Variants in MGRN1 observed in about 807,000 individuals in gnomAD.
MGRN1 encodes E3 ubiquitin-protein ligase MGRN1.
A neutral mutation model predicts 69.2 loss-of-function variants in MGRN1; 29 were observed. That is an observed-to-expected ratio of 0.42 (90% CI 0.31 to 0.57). MGRN1 has a LOEUF of 0.57. Ranked by LOEUF, MGRN1 falls within the 20% of genes least tolerant of loss-of-function variation. The probability of loss-of-function intolerance (pLI) is 0.15; values close to 1 mark genes in which losing one functional copy is unlikely to be tolerated. For missense variants in MGRN1, 998 were observed against 796.2 expected, an observed-to-expected ratio of 1.25 and a Z score of -3.05; for synonymous variants, 470 against 344.2, an observed-to-expected ratio of 1.37 and a Z score of -4.04.
intron 1 of MGRN1, among the ~76,000 whole-genome samples, chr16:4,636,131 G>A (rs1354830475): frequency 6.6e-6 from 1 of 152,092 alleles, no homozygotes; most frequent in African/African-American, 2.4e-5. Flanking sequence ...GAAATGTACA[G>A]CTCATTAATG....
At chr16:4,656,938 C>A (rs186195321) in intron 4 of MGRN1, among the ~76,000 whole-genome samples, 1 of 151,886 alleles carries the variant, frequency 6.6e-6, no homozygotes, top group South Asian at 2.1e-4. Flanking sequence ...AACAAACCAA[C>A]TTAGCACCGA....
At chr16:4,662,114 C>T (rs1393398000) in intron 5 of MGRN1, among the ~76,000 whole-genome samples, 1 of 152,188 alleles carries the variant, frequency 6.6e-6, no homozygotes, top group Non-Finnish European at 1.5e-5. Flanking sequence ...CTCCTGACTG[C>T]TGTCTGTGGT....
At chr16:4,686,245 C>G (rs1176451335) in intron 16 of MGRN1, 1 of 1,542,358 alleles carries the variant, frequency 6.5e-7, no homozygotes, top group Non-Finnish European at 8.7e-7. Flanking sequence ...CTGTCTCTCC[C>G]CCTCTCCGCG....
chr16:4,661,708 C>A (rs781210485), intron 5 of MGRN1, among the ~76,000 whole-genome samples: 2 of 152,234 alleles, frequency 1.3e-5, no homozygotes, highest in African/African-American at 4.8e-5. Context: ...ATCAGTGTCT[C>A]TGTCCACCTC....
chr16:4,638,165 A>C (rs552970151), intron 1 of MGRN1, among the ~76,000 whole-genome samples: 2 of 152,046 alleles, frequency 1.3e-5, no homozygotes, highest in African/African-American at 4.8e-5. Context: ...CTCTCATCTC[A>C]AGTTTGCAGT....
chr16:4,667,344 C>T (rs958009411), intron 7 of MGRN1, among the ~76,000 whole-genome samples: 1 of 152,238 alleles, frequency 6.6e-6, no homozygotes, highest in Admixed American at 6.5e-5. Flanking sequence ...GGTCTGTTCT[C>T]TCCCGGGTCC....
chr16:4,686,343 G>A (rs988598314), intron 16 of MGRN1: 30 of 1,539,602 alleles, frequency 1.9e-5, no homozygotes, highest in South Asian at 2.4e-5. Context: ...GCTCTGACGC[G>A]CGTCCTTGGA....
At chr16:4,658,165 C>T (rs1193761932) in intron 5 of MGRN1, among the ~76,000 whole-genome samples, 2 of 152,170 alleles carry the variant, frequency 1.3e-5, no homozygotes, top group African/African-American at 2.4e-5. Flanking sequence ...CTCCTTCCCC[C>T]TTTGCCTTGT....
At chr16:4,632,028 T>G (rs1898032783) in intron 1 of MGRN1, among the ~76,000 whole-genome samples, 1 of 144,658 alleles carries the variant, frequency 6.9e-6, no homozygotes, top group African/African-American at 2.6e-5. Context: ...TTTTTTTTTT[T>G]TTTGAGATGG....
chr16:4,680,156 G>C (rs369313156), intron 12 of MGRN1, 59 bp downstream of exon 12: 110 of 1,525,730 alleles, frequency 7.2e-5, no homozygotes, highest in Non-Finnish European at 9.6e-5. Flanking sequence ...TTAAACCCAC[G>C]ACAAGTAGGG....
At chr16:4,656,519 G>A (rs370566449) in intron 4 of MGRN1, among the ~76,000 whole-genome samples, 14 of 152,254 alleles carry the variant, frequency 9.2e-5, no homozygotes, top group African/African-American at 3.4e-4. Context: ...CAGGCCTCTG[G>A]GAGCAGGCGT....
At chr16:4,658,231 G>A (rs947445091) in intron 5 of MGRN1, among the ~76,000 whole-genome samples, 2 of 151,794 alleles carry the variant, frequency 1.3e-5, no homozygotes, top group East Asian at 2.0e-4. Flanking sequence ...GGGGGTTCCT[G>A]TGTAACAGTA....
At chr16:4,625,102 C>T (rs1297926068) in intron 1 of MGRN1, 54 bp downstream of exon 1, 3 of 1,461,400 alleles carry the variant, frequency 2.1e-6, no homozygotes, top group African/African-American at 3.0e-5. Flanking sequence ...AACGCGGACC[C>T]GGCGGGCGCG....
chr16:4,647,135 C>A (rs1267437874), intron 1 of MGRN1, among the ~76,000 whole-genome samples: 6 of 152,234 alleles, frequency 3.9e-5, no homozygotes, highest in Non-Finnish European at 7.3e-5. Flanking sequence ...CCTTGTCTGC[C>A]AGCAGCTAGT....
At chr16:4,652,298 G>C (rs1056354749) in intron 3 of MGRN1, among the ~76,000 whole-genome samples, 6 of 152,132 alleles carry the variant, frequency 3.9e-5, no homozygotes, top group African/African-American at 9.7e-5. Context: ...CAGCCAGGTG[G>C]GGTGCTTGGC....
chr16:4,626,507 C>G (rs1381560576), intron 1 of MGRN1, among the ~76,000 whole-genome samples: 1 of 152,196 alleles, frequency 6.6e-6, no homozygotes, highest in African/African-American at 2.4e-5. Context: ...GCTTATACAG[C>G]CCTCAGAACC....
intron 5 of MGRN1, among the ~76,000 whole-genome samples, chr16:4,661,683 A>T (rs2078684933): frequency 6.6e-6 from 1 of 152,238 alleles, no homozygotes; most frequent in Non-Finnish European, 1.5e-5. Flanking sequence ...CAGCCTTCAC[A>T]GCATAGCCCC....
intron 1 of MGRN1, among the ~76,000 whole-genome samples, chr16:4,643,221 G>C (rs2078201491): frequency 6.6e-6 from 1 of 151,948 alleles, no homozygotes; most frequent in African/African-American, 2.4e-5. Flanking sequence ...CGGCCTCCCA[G>C]AGCACTGGGA....
chr16:4,628,116 G>A lies in MGRN1; in HGVS notation c.88+3068G>A, dbSNP rs550837045. Among the ~76,000 whole-genome samples the A allele has an allele frequency of 1.4e-4, 21 of 149,688 alleles. No homozygotes were observed. The East Asian group carries it at 3.5e-3, about 25-fold the overall frequency. On this transcript the variant is annotated intron_variant, in intron 1 of 16. Coordinates refer to ENST00000262370, the MANE Select transcript of MGRN1 (RefSeq NM_015246.4). ...AAAAAAAGAATTGTGGGTGGGTGCG[G>A]TGGCTCACGCCTGTAATCCCAGCAC...
Sources: gnomAD v4.1 joint callset for allele counts (sites outside exome capture counted in the v4.1 genomes callset) on GRCh38, gnomAD v4.1.1 for gene constraint, MANE v1.5 for transcripts, NCBI Gene and HGNC (gene_info 2026-07-23, HGNC 2026-07-21) for gene names.